DCHS2: variants seen among roughly 807,000 people sequenced by gnomAD.
DCHS2 encodes the protein protocadherin-23.
DCHS2 carries 142 observed loss-of-function variants against 182.4 expected under a neutral mutation model. The observed-to-expected ratio is 0.78, with a 90% CI of 0.68 to 0.89. The LOEUF is 0.89. Among genes scored for constraint, DCHS2 ranks in the 40% least tolerant of loss-of-function variants. The pLI, the probability that DCHS2 is intolerant of heterozygous loss-of-function variation, is 0.00. For synonymous variants in DCHS2, 1,740 were observed against 1,663.3 expected, an observed-to-expected ratio of 1.05 and a Z score of -1.12; for missense variants, 4,319 against 4,198.6, an observed-to-expected ratio of 1.03 and a Z score of -0.79.
At chr4:154,374,020 A>G in intron 2 of DCHS2, 1 of 1,393,546 alleles carries the variant, frequency 7.2e-7, no homozygotes, top group Non-Finnish European at 9.9e-7. Context: ...AAAAAAAAAA[A>G]AAAAACTTGC....
chr4:154,273,557 G>A (rs1483529499), intron 13 of DCHS2, among the ~76,000 whole-genome samples: 3 of 151,744 alleles, frequency 2.0e-5, no homozygotes, highest in Non-Finnish European at 4.4e-5. Flanking sequence ...CACTAAATAA[G>A]TTATTCATGT....
At chr4:154,365,154 T>C (rs1329512271) in intron 3 of DCHS2, among the ~76,000 whole-genome samples, 1 of 152,152 alleles carries the variant, frequency 6.6e-6, no homozygotes, top group Non-Finnish European at 1.5e-5. Flanking sequence ...ATTACCATTG[T>C]AGAGAACTAA....
intron 7 of DCHS2, among the ~76,000 whole-genome samples, chr4:154,326,899 T>C (rs751724841): frequency 5.3e-5 from 8 of 152,190 alleles, no homozygotes; most frequent in Non-Finnish European, 1.2e-4. Context: ...AATCAGCTTG[T>C]CAAATTCTAT....
chr4:154,309,163 C>T (rs998961524), intron 10 of DCHS2, among the ~76,000 whole-genome samples: 37 of 152,272 alleles, frequency 2.4e-4, no homozygotes, highest in African/African-American at 8.7e-4. Flanking sequence ...GTTCCCTCTG[C>T]CTGCTCTTTT....
chr4:154,441,002 C>A (rs1490684), intron 1 of DCHS2, among the ~76,000 whole-genome samples: 69,897 of 152,038 alleles, frequency 0.46, 16,567 homozygotes, highest in Middle Eastern at 0.68. Flanking sequence ...GTTACTATGA[C>A]GTCTCTTTGA....
intron 4 of DCHS2, chr4:154,334,244 G>C (rs923619440): frequency 3.3e-5 from 5 of 152,942 alleles, no homozygotes; most frequent in African/African-American, 1.2e-4. Flanking sequence ...GGAACAGGAG[G>C]GGACTAGGAG....
intron 16 of DCHS2, among the ~76,000 whole-genome samples, chr4:154,254,465 G>A (rs553190352): frequency 1.3e-5 from 2 of 152,238 alleles, no homozygotes; most frequent in East Asian, 1.9e-4. Context: ...CAGCTTCATG[G>A]TATTTCATAG....
chr4:154,240,853 C>T (rs376497692), intron 17 of DCHS2, 30 bp from the exon 18 acceptor site: 45 of 1,605,248 alleles, frequency 2.8e-5, no homozygotes, highest in African/African-American at 4.0e-5. Flanking sequence ...TGTCAGTCTC[C>T]ATTAAAATTC....
chr4:154,307,843 C>G lies in DCHS2; in HGVS notation c.5261-2612G>C, dbSNP rs76218761. Among the ~76,000 whole-genome samples the G allele has an allele frequency of 3.9e-5, 6 of 152,280 alleles. No individual in the cohort carries two copies. In the East Asian group the frequency reaches 1.2e-3, roughly 29 times the overall value. Reference sequence around the variant, plus strand: ...CCGACCACTACCTGGCTTACTCTCACAGATCACTTCCCTTTCCATTTCCCA... The same window carrying G: ...CCGACCACTACCTGGCTTACTCTCAGAGATCACTTCCCTTTCCATTTCCCA... On this transcript the variant is annotated intron_variant, in intron 10 of 19. Coordinates refer to ENST00000357232, the MANE Select transcript of DCHS2 (RefSeq NM_001358235.2).
intron 3 of DCHS2, chr4:154,343,526 A>G (rs1729208562): frequency 6.6e-7 from 1 of 1,519,886 alleles, no homozygotes; most frequent in Admixed American, 2.0e-5. Context: ...CTCCATCAGC[A>G]CTTGCTGCTT....
chr4:154,343,618 C>T (rs1195820430), intron 3 of DCHS2: 3 of 1,507,562 alleles, frequency 2.0e-6, no homozygotes, highest in East Asian at 5.0e-5. Context: ...AATTTTTTTT[C>T]TGCAGCTTCC....
intron 14 of DCHS2, among the ~76,000 whole-genome samples, chr4:154,264,848 G>A (rs1020129589): frequency 8.5e-5 from 13 of 152,222 alleles, no homozygotes; most frequent in African/African-American, 2.4e-4. Flanking sequence ...ACATCAACAA[G>A]GATGCAGCTA....
At chr4:154,476,920 G>T (rs1277545554) in intron 1 of DCHS2, among the ~76,000 whole-genome samples, 1 of 151,858 alleles carries the variant, frequency 6.6e-6, no homozygotes, top group Non-Finnish European at 1.5e-5. Context: ...AGGTGGTCAA[G>T]GAAGGCTTCC....
chr4:154,287,210 G>A (rs1734443854), intron 13 of DCHS2, among the ~76,000 whole-genome samples: 1 of 152,120 alleles, frequency 6.6e-6, no homozygotes, highest in African/African-American at 2.4e-5. Flanking sequence ...ATCCTATGGG[G>A]AGTATTTCAA....
intron 10 of DCHS2, among the ~76,000 whole-genome samples, chr4:154,315,028 T>A (rs1735803697): frequency 6.6e-6 from 1 of 152,176 alleles, no homozygotes; most frequent in Admixed American, 6.5e-5. Flanking sequence ...ACAGTGATGT[T>A]GAAAAGCAAG....
rs771962064 is a variant in DCHS2, at chr4:154,322,498, C to T, written c.4019-10G>A. ...TGATCAGAACTATCTTCTACACACACAAGAAAATTAAGAAATGAATGTTAA... is the reference window on the plus strand; with the variant it reads ...TGATCAGAACTATCTTCTACACACATAAGAAAATTAAGAAATGAATGTTAA... On this transcript the variant is annotated splice_polypyrimidine_tract_variant and intron_variant, in intron 7 of 19. Transcript: ENST00000357232. 1 of 1,577,774 alleles carries T rather than the reference C, an allele frequency of 6.3e-7. No individual in the cohort carries two copies.
chr4:154,398,784 C>T (rs1732036992), intron 1 of DCHS2, among the ~76,000 whole-genome samples: 1 of 152,176 alleles, frequency 6.6e-6, no homozygotes, highest in African/African-American at 2.4e-5. Flanking sequence ...ACTTAAGTCT[C>T]CATTCCTATT....
chr4:154,342,541 C>T (rs911658393), intron 3 of DCHS2, among the ~76,000 whole-genome samples: 2 of 152,198 alleles, frequency 1.3e-5, no homozygotes, highest in African/African-American at 4.8e-5. Context: ...ATTCTAAATC[C>T]TTTGTTGTCA....
intron 7 of DCHS2, among the ~76,000 whole-genome samples, chr4:154,326,516 A>G (rs959313571): frequency 1.5e-4 from 23 of 152,088 alleles, no homozygotes; most frequent in African/African-American, 5.3e-4. Flanking sequence ...TTTATTCTCA[A>G]TGCCATATAT....
Sources: gnomAD v4.1 joint callset for allele counts (sites outside exome capture counted in the v4.1 genomes callset) on GRCh38, gnomAD v4.1.1 for gene constraint, MANE v1.5 for transcripts, NCBI Gene and HGNC (gene_info 2026-07-23, HGNC 2026-07-21) for gene names.